Variants in PPP1R42 observed in about 807,000 individuals in gnomAD.
The protein encoded by PPP1R42 is leucine rich repeat containing 67.
In PPP1R42, 34 loss-of-function variants were observed where a neutral mutation model predicts 31.0. That is an observed-to-expected ratio of 1.10 (90% CI 0.83 to 1.46). The LOEUF (loss-of-function observed/expected upper bound fraction) is 1.46. Among genes scored for constraint, PPP1R42 ranks in the 40% most tolerant of loss-of-function variants. PPP1R42 has a pLI of 0.00. For missense variants in PPP1R42, 268 were observed against 303.0 expected, an observed-to-expected ratio of 0.88 and a Z score of 0.86; for synonymous variants, 103 against 109.8, an observed-to-expected ratio of 0.94 and a Z score of 0.39.
At position 66,982,068 on chromosome 8, in the gene PPP1R42, AT is replaced by A; in HGVS notation, c.782del (p.Asp261ValfsTer7). 6.8e-7 allele frequency: 1 copy of A among 1,465,222 alleles called. No homozygotes were observed. The highest frequency in any genetic ancestry group is 8.9e-7 in the Non-Finnish European group (1 of 1,117,908). The allele number at this position is 1,465,222 out of a possible 1,614,324, so 90.8% of individuals were successfully genotyped here. On this transcript the variant is annotated frameshift_variant, in exon 7 of 8. Transcript: ENST00000685739. LOFTEE classifies it high-confidence loss of function. Reference protein sequence around the residue: ...ISKKRSSKNEDASNSLIRISL With the variant: ...ISKKRSSKNEXASNSLIRISL ...GCTTACTTATGAGTGAATTGCTTGC[AT>A]CCTCATTTTTACTGCTCCTTTTTTT...
chr8:66,986,017 C>T (rs1309335474), intron 6 of PPP1R42: 1 of 749,290 alleles, frequency 1.3e-6, no homozygotes, highest in South Asian at 1.4e-5. Context: ...CCGCCTTCCT[C>T]CTACAGCCTC....
At chr8:67,004,076 C>T (rs921891796) in intron 5 of PPP1R42, among the ~76,000 whole-genome samples, 6 of 146,570 alleles carry the variant, frequency 4.1e-5, no homozygotes, top group Middle Eastern at 3.3e-3. Context: ...GGTGACAGAG[C>T]GAGACTCCGT....
At chr8:67,019,899 A>C (rs1816157842) in intron 1 of PPP1R42, among the ~76,000 whole-genome samples, 1 of 151,770 alleles carries the variant, frequency 6.6e-6, no homozygotes, top group Non-Finnish European at 1.5e-5. Flanking sequence ...ACAAAAAAAA[A>C]ACCAAAAAAA....
At chr8:66,967,852 A>C (rs1405560266) in intron 7 of PPP1R42, among the ~76,000 whole-genome samples, 1 of 152,132 alleles carries the variant, frequency 6.6e-6, no homozygotes, top group Non-Finnish European at 1.5e-5. Context: ...TTTGAAAGAT[A>C]GTTAAATAAT....
intron 6 of PPP1R42, among the ~76,000 whole-genome samples, chr8:66,987,171 C>T (rs1350588140): frequency 6.6e-6 from 1 of 151,902 alleles, no homozygotes; most frequent in Non-Finnish European, 1.5e-5. Context: ...AATGAAAATT[C>T]CAAGTCTTTT....
intron 7 of PPP1R42, among the ~76,000 whole-genome samples, chr8:66,971,857 C>G (rs1186709323): frequency 6.6e-6 from 1 of 152,018 alleles, no homozygotes; most frequent in Non-Finnish European, 1.5e-5. Flanking sequence ...TTACCATAAT[C>G]CCCAATATAG....
At chr8:67,017,573 T>C (rs753740640) in intron 2 of PPP1R42, 46 bp downstream of exon 2, 1 of 1,102,686 alleles carries the variant, frequency 9.1e-7, no homozygotes, top group South Asian at 2.2e-5. Context: ...TCCTAAATTT[T>C]ACATTATTAA....
intron 1 of PPP1R42, among the ~76,000 whole-genome samples, chr8:67,024,982 G>A (rs1250536197): frequency 6.7e-6 from 1 of 148,722 alleles, no homozygotes; most frequent in Non-Finnish European, 1.5e-5. Context: ...CTCTTGCCCA[G>A]GCTGGAGTGC....
At chr8:67,014,371 G>T in intron 3 of PPP1R42, 55 bp downstream of exon 3, 1 of 1,079,444 alleles carries the variant, frequency 9.3e-7, no homozygotes, top group Non-Finnish European at 1.3e-6. Context: ...GCAAAAAAAT[G>T]TAAGTACCAT....
intron 7 of PPP1R42, among the ~76,000 whole-genome samples, chr8:66,976,851 TC>T (rs1328469432): frequency 6.6e-6 from 1 of 152,196 alleles, no homozygotes; most frequent in Admixed American, 6.5e-5. Context: ...TTGTGAATAC[TC>T]CTGCAACAAA....
At chr8:66,995,201 T>A (rs1815300560) in intron 5 of PPP1R42, among the ~76,000 whole-genome samples, 1 of 152,300 alleles carries the variant, frequency 6.6e-6, no homozygotes, top group Non-Finnish European at 1.5e-5. Context: ...CAGGAATACA[T>A]AACAGAAAAA....
intron 6 of PPP1R42, among the ~76,000 whole-genome samples, chr8:66,987,312 GAC>G (rs1815050883): frequency 9.8e-6 from 1 of 101,880 alleles, no homozygotes; most frequent in African/African-American, 4.2e-5. Flanking sequence ...TTTTTTTTGA[GAC>G]ATTGTCTCAC....
At chr8:66,984,464 A>C in intron 6 of PPP1R42, 1 of 1,285,384 alleles carries the variant, frequency 7.8e-7, no homozygotes, top group Non-Finnish European at 1.1e-6. Context: ...TTGTGCAGTA[A>C]CACCACTCCT....
rs756425602 is a variant in PPP1R42 at position 66,988,492 on chromosome 8, A to G, written c.578T>C (p.Leu193Ser). The G allele has an allele frequency of 6.2e-7, 1 of 1,609,836 alleles. No individual in the cohort carries two copies. The highest frequency in any genetic ancestry group is 8.5e-7 in the Non-Finnish European group (1 of 1,178,544). ...TAGATCAATTTTCCACAGCTTCATC[A>G]ACTTGTTCAGTAAAAACTCCAAATC... Reference protein sequence around the residue: ...VKDLEFLLNKLMKLWKIDLNG... With the variant: ...VKDLEFLLNKSMKLWKIDLNG... The change falls in exon 6 of 8, where the codon TTG becomes TCG. Residue 193 changes from leucine (L) to serine (S), a missense_variant. Coordinates refer to ENST00000685739, the MANE Select transcript of PPP1R42 (RefSeq NM_001364910.1).
intron 5 of PPP1R42, among the ~76,000 whole-genome samples, chr8:66,990,593 G>A (rs1815161127): frequency 6.6e-6 from 1 of 152,104 alleles, no homozygotes; most frequent in African/African-American, 2.4e-5. Context: ...AAATACTAAG[G>A]AGCAAATTCT....
chr8:67,011,016 C>T (rs1815828315), intron 4 of PPP1R42, among the ~76,000 whole-genome samples, 185 bp from the exon 5 acceptor site: 1 of 151,652 alleles, frequency 6.6e-6, no homozygotes, highest in Non-Finnish European at 1.5e-5. Context: ...AGTTTTAGAA[C>T]CACAGTATGT....
chr8:67,027,736 T>C (rs532322149), intron 1 of PPP1R42, among the ~76,000 whole-genome samples: 18 of 152,258 alleles, frequency 1.2e-4, no homozygotes, highest in African/African-American at 2.4e-5. Context: ...TCCGCACTTG[T>C]GAAGTGTCTT....
intron 7 of PPP1R42, among the ~76,000 whole-genome samples, chr8:66,976,111 G>A (rs1458298532): frequency 6.6e-6 from 1 of 151,932 alleles, no homozygotes; most frequent in African/African-American, 2.4e-5. Context: ...CTACAGCATT[G>A]GATTCTCATA....
intron 7 of PPP1R42, among the ~76,000 whole-genome samples, chr8:66,975,465 T>C (rs1017492642): frequency 2.6e-5 from 4 of 152,132 alleles, no homozygotes; most frequent in African/African-American, 9.7e-5. Context: ...CTGGCCAACA[T>C]GGTGAAATCC....
Sources: gnomAD v4.1 joint callset for allele counts (sites outside exome capture counted in the v4.1 genomes callset) on GRCh38, gnomAD v4.1.1 for gene constraint, MANE v1.5 for transcripts, NCBI Gene and HGNC (gene_info 2026-07-23, HGNC 2026-07-21) for gene names.